The following PRKCE variants were observed in gnomAD, a reference collection of about 807,000 sequenced individuals.
PRKCE encodes protein kinase C epsilon type.
In PRKCE, 16 loss-of-function variants were observed where a neutral mutation model predicts 85.4. The observed-to-expected ratio is 0.19, with a 90% CI of 0.13 to 0.28. PRKCE has a LOEUF of 0.28. PRKCE is among the 10% of genes least tolerant of loss of function. The pLI, the probability that PRKCE is intolerant of heterozygous loss-of-function variation, is 1.00. For missense variants in PRKCE, 573 were observed against 975.2 expected (o/e 0.59, Z 5.49); for synonymous variants, 388 against 371.5 (o/e 1.04, Z -0.51).
chr2:45,688,295 C>G (rs375093735), intron 1 of PRKCE, among the ~76,000 whole-genome samples: 21 of 152,116 alleles, frequency 1.4e-4, no homozygotes, highest in East Asian at 7.7e-4. Flanking sequence ...TAAGAATTCC[C>G]TAGTGTAAGA....
At chr2:45,758,263 C>CA (rs1321075813) in intron 1 of PRKCE, among the ~76,000 whole-genome samples, 1 of 152,190 alleles carries the variant, frequency 6.6e-6, no homozygotes, top group African/African-American at 2.4e-5. Context: ...CATGATGTTA[C>CA]ACTGAACATT....
In PRKCE at chr2:45,697,268, C is replaced by G. The variant is rs967833171; in HGVS notation, c.348+44820C>G. Among the ~76,000 whole-genome samples the G allele has an allele frequency of 6.6e-6, 1 of 152,136 alleles. No homozygotes were observed. Among genetic ancestry groups the G allele is most frequent in the Non-Finnish European group, 1.5e-5 (1 of 68,022 alleles). Reference sequence around the variant, plus strand: ...GCGCACCCCACTGGCTGGCCTGGCCCTCCTGGCTGCCCACATTCTGCTTGG... The same window carrying G: ...GCGCACCCCACTGGCTGGCCTGGCCGTCCTGGCTGCCCACATTCTGCTTGG... On this transcript the variant is annotated intron_variant, in intron 1 of 14. Coordinates refer to ENST00000306156, the MANE Select transcript of PRKCE (RefSeq NM_005400.3). The surrounding 1 kb of genome is among the most constrained non-coding windows in gnomAD (Gnocchi z 4.2).
upstream of PRKCE, chr2:45,651,354 C>G (rs538954895): frequency 1.3e-4 from 19 of 150,888 alleles, no homozygotes; most frequent in African/African-American, 4.6e-4. Flanking sequence ...GGCGGCCGCC[C>G]GGACTCCGAG....
At chr2:45,704,619 C>A (rs1240149806) in intron 1 of PRKCE, among the ~76,000 whole-genome samples, 1 of 152,188 alleles carries the variant, frequency 6.6e-6, no homozygotes, top group Non-Finnish European at 1.5e-5. Flanking sequence ...TCCTCTACCT[C>A]ATCTGAAAAG....
chr2:46,008,404 C>T (rs1301417294), intron 9 of PRKCE, among the ~76,000 whole-genome samples: 3 of 152,142 alleles, frequency 2.0e-5, no homozygotes, highest in African/African-American at 7.2e-5. Flanking sequence ...GATGAAGGGG[C>T]AGGGAGCAGA....
At chr2:45,669,465 G>T (rs915428251) in intron 1 of PRKCE, among the ~76,000 whole-genome samples, 1 of 152,204 alleles carries the variant, frequency 6.6e-6, no homozygotes, top group East Asian at 1.9e-4. Flanking sequence ...CTCTTACCGC[G>T]CAGCGTGGCT....
chr2:46,136,834 G>A (rs1201061125), intron 11 of PRKCE, among the ~76,000 whole-genome samples: 2 of 152,128 alleles, frequency 1.3e-5, no homozygotes, highest in Admixed American at 6.5e-5. Context: ...TTTCTCACCG[G>A]GCTATGCTAA....
At chr2:45,880,132 G>C (rs752822839) in intron 2 of PRKCE, among the ~76,000 whole-genome samples, 28 of 152,234 alleles carry the variant, frequency 1.8e-4, no homozygotes, top group Admixed American at 6.5e-4. Flanking sequence ...TAACTTTTCT[G>C]CTCCTGGCTT....
At chr2:45,958,208 AAAAAAG>A in intron 2 of PRKCE, among the ~76,000 whole-genome samples, 2 of 144,276 alleles carry the variant, frequency 1.4e-5, no homozygotes, top group African/African-American at 2.5e-5. Context: ...AAAAAAAAAA[AAAAAAG>A]AAAAAGAAAA....
At chr2:45,896,807 G>T (rs981532021) in intron 2 of PRKCE, among the ~76,000 whole-genome samples, 4 of 152,140 alleles carry the variant, frequency 2.6e-5, no homozygotes, top group African/African-American at 4.8e-5. Flanking sequence ...AATGACTGAG[G>T]GTACCGTGGC....
At chr2:45,827,434 G>A (rs1002083811) in intron 1 of PRKCE, among the ~76,000 whole-genome samples, 9 of 152,150 alleles carry the variant, frequency 5.9e-5, no homozygotes, top group Non-Finnish European at 1.0e-4. Context: ...GGTTCAGATC[G>A]TGGTGTGGGC....
At chr2:46,017,723 C>T (rs1168718618) in intron 10 of PRKCE, among the ~76,000 whole-genome samples, 1 of 152,182 alleles carries the variant, frequency 6.6e-6, no homozygotes, top group Non-Finnish European at 1.5e-5. Context: ...ACACTTATTT[C>T]TTTATTTGAT....
intron 2 of PRKCE, among the ~76,000 whole-genome samples, chr2:45,900,225 T>C (rs1006691215): frequency 2.0e-5 from 3 of 152,170 alleles, no homozygotes; most frequent in African/African-American, 7.2e-5. Context: ...TCTCAGAAAA[T>C]TGAATTACCA....
Position 46,184,886 on chromosome 2 carries a change from C to T in PRKCE, c.*5C>T, listed in dbSNP as rs1424684236. On this transcript the variant is annotated 3_prime_UTR_variant, in exon 15 of 15. Transcript: ENST00000306156. This position sits in a 1 kb window ranked among gnomAD's most constrained non-coding sequence, Gnocchi z 5.0. ...GGTGAAGACCTGATGCCCTGAGAGC[C>T]CACTGCAGTTGGACTTTGCCGATGC... The T allele has an allele frequency of 2.5e-6, 4 of 1,599,680 alleles. No homozygotes were observed. The highest frequency in any genetic ancestry group is 3.4e-6 in the Non-Finnish European group (4 of 1,179,912).
chr2:45,801,436 C>T (rs112082274), intron 1 of PRKCE, among the ~76,000 whole-genome samples: 12 of 151,994 alleles, frequency 7.9e-5, no homozygotes, highest in Non-Finnish European at 1.6e-4. Flanking sequence ...GGGCTGTGCT[C>T]ATTGGAACAG....
chr2:45,901,821 G>T (rs990229443), intron 2 of PRKCE, among the ~76,000 whole-genome samples: 4 of 152,170 alleles, frequency 2.6e-5, no homozygotes. Flanking sequence ...TGCTGGCCTT[G>T]GTTTGTGATG....
chr2:45,968,036 G>A (rs1701847528), intron 2 of PRKCE, among the ~76,000 whole-genome samples: 1 of 152,174 alleles, frequency 6.6e-6, no homozygotes, highest in Admixed American at 6.5e-5. Flanking sequence ...CTGCAGTGAG[G>A]AATGACAGTG....
intron 6 of PRKCE, among the ~76,000 whole-genome samples, chr2:45,993,526 C>A (rs1703977045): frequency 6.6e-6 from 1 of 152,134 alleles, no homozygotes; most frequent in African/African-American, 2.4e-5. Context: ...AAAAGATACC[C>A]CCTTTGCCGA....
At chr2:45,820,511 G>A (rs1013676745) in intron 1 of PRKCE, among the ~76,000 whole-genome samples, 2 of 152,082 alleles carry the variant, frequency 1.3e-5, no homozygotes, top group Non-Finnish European at 1.5e-5. Context: ...GCATAAGGGG[G>A]TGGGAGACAG....
Sources: gnomAD v4.1 joint callset for allele counts (sites outside exome capture counted in the v4.1 genomes callset) on GRCh38, gnomAD v4.1.1 for gene constraint, Gnocchi (gnomAD v3.1) non-coding constraint, MANE v1.5 for transcripts, NCBI Gene and HGNC (gene_info 2026-07-23, HGNC 2026-07-21) for gene names.